WNT9B: variants seen among roughly 807,000 people sequenced by gnomAD.
WNT9B encodes the protein Wnt family member 9B.
A neutral mutation model predicts 30.2 loss-of-function variants in WNT9B; 12 were observed. The ratio of observed to expected loss-of-function variants is 0.40; its 90% confidence interval spans 0.26 to 0.64. WNT9B has a LOEUF of 0.64. Ranked by LOEUF, WNT9B falls within the 30% of genes least tolerant of loss-of-function variation. WNT9B has a pLI of 0.42. For missense variants in WNT9B, 442 were observed against 485.2 expected (o/e 0.91, Z 0.84); for synonymous variants, 218 against 216.9 (o/e 1.01, Z -0.05).
chr17:46,876,648 T>C lies in WNT9B; in HGVS notation c.1004T>C (p.Val335Ala). The C allele has an allele frequency of 1.2e-6, 2 of 1,607,504 alleles. No individual in the cohort carries two copies. The highest frequency in any genetic ancestry group is 1.7e-6 in the Non-Finnish European group (2 of 1,175,358). The part of the protein sequence containing the change: ...RLVAFSCHCQ[V>A]QWCCYVECQQ... The stretch of plus-strand genomic sequence containing the variant: ...GTGGCCTTCTCCTGCCACTGCCAGG[T>C]GCAGTGGTGCTGCTACGTGGAGTGC... Residue 335 changes from valine (V) to alanine (A), a missense_variant, in exon 4 of 4, where the codon GTG (valine) becomes GCG (alanine). Transcript: ENST00000290015.
intron 1 of WNT9B, among the ~76,000 whole-genome samples, chr17:46,834,155 A>G (rs1231010210): frequency 6.6e-6 from 1 of 152,168 alleles, no homozygotes; most frequent in Non-Finnish European, 1.5e-5. Context: ...GGATGGCACC[A>G]CTACACTCCA....
At chr17:46,875,450 A>G in intron 3 of WNT9B, 84 bp downstream of exon 3, 1 of 1,452,582 alleles carries the variant, frequency 6.9e-7, no homozygotes, top group Non-Finnish European at 9.1e-7. Context: ...CCAGCACCCC[A>G]CTCCCCAAAA....
intron 1 of WNT9B, among the ~76,000 whole-genome samples, chr17:46,842,706 A>T (rs1250694478): frequency 6.6e-6 from 1 of 152,186 alleles, no homozygotes; most frequent in African/African-American, 2.4e-5. Context: ...TTGTGCAAAG[A>T]TAGAAATAAT....
At chr17:46,872,805 T>TGGGGGCGGGGGCGGGCG in intron 2 of WNT9B, 32 bp downstream of exon 2, 2 of 1,089,666 alleles carry the variant, frequency 1.8e-6, no homozygotes, top group Non-Finnish European at 2.6e-6. Context: ...CGGGGAGGGC[T>TGGGGGCGGGGGCGGGCG]GGGGGAAGAA....
At chr17:46,834,608 T>C (rs2084602696) in intron 1 of WNT9B, among the ~76,000 whole-genome samples, 1 of 152,122 alleles carries the variant, frequency 6.6e-6, no homozygotes, top group African/African-American at 2.4e-5. Context: ...AGGTAGGGGC[T>C]CAGCCCTGTC....
downstream of WNT9B, among the ~76,000 whole-genome samples, chr17:46,881,433 C>A (rs1236153486): frequency 6.6e-6 from 1 of 152,228 alleles, no homozygotes; most frequent in Non-Finnish European, 1.5e-5. Context: ...TTGAACCTCA[C>A]AAGGTGGACA....
upstream of WNT9B, among the ~76,000 whole-genome samples, chr17:46,848,999 G>A (rs1007203653): frequency 6.6e-6 from 1 of 152,092 alleles, no homozygotes; most frequent in Non-Finnish European, 1.5e-5. Context: ...TTAGCAAGAA[G>A]GAGCTATTAT....
At position 46,851,622 on chromosome 17, in the gene WNT9B, G is replaced by T. The variant is rs897009651; in HGVS notation, c.-17G>T. On this transcript the variant is annotated 5_prime_UTR_variant, in exon 1 of 4. Coordinates refer to ENST00000290015, the MANE Select transcript of WNT9B (RefSeq NM_003396.3). The surrounding 1 kb of genome is among the most constrained non-coding windows in gnomAD (Gnocchi z 4.3). ...GCGGCGCGAGGAGATGCTAGAGGGC[G>T]CAGCGCCGCCAGCACCATGCGCCCC... is the stretch of plus-strand genomic sequence containing the variant. 6.2e-5 allele frequency: 78 copies of T among 1,249,238 alleles called. No homozygotes were observed. The highest frequency in any genetic ancestry group is 1.7e-4 in the Admixed American group (4 of 23,748). The allele number at this position is 1,249,238 out of a possible 1,614,324, so 77.4% of individuals were successfully genotyped here.
Position 46,877,761 on chromosome 17 carries a change from G to A in WNT9B, c.*1043G>A, listed in dbSNP as rs1023397730. ...CAATACTGAAGAACAGCTGGCTCAC[G>A]AGCTATGACTTGAAGTTACATTTCT... On this transcript the variant is annotated 3_prime_UTR_variant, in exon 4 of 4. Coordinates refer to ENST00000290015, the MANE Select transcript of WNT9B (RefSeq NM_003396.3). 4.6e-5 allele frequency among the ~76,000 whole-genome samples: 7 copies of A among 152,170 alleles called. No individual in the cohort carries two copies. The highest frequency in any genetic ancestry group is 8.8e-5 in the Non-Finnish European group (6 of 68,044).
At chr17:46,842,335 G>A (rs1194151516) in intron 1 of WNT9B, among the ~76,000 whole-genome samples, 1 of 152,154 alleles carries the variant, frequency 6.6e-6, no homozygotes, top group African/African-American at 2.4e-5. Flanking sequence ...AGGGGCTGCT[G>A]CTCTACAACC....
rs535771134 is a variant in WNT9B, at chr17:46,872,655, C to A, written c.216C>A (p.Pro72=). ...AGAAGCAGCTCTGCCGGAGGGAGCC[C>A]GGCCTGGCTGAGACCCTGAGGGATG... ...RRQKQLCRRE[P]GLAETLRDAA... Residue 72 remains proline, a synonymous_variant, in exon 2 of 4, where the codon CCC becomes CCA. Coordinates refer to ENST00000290015, the MANE Select transcript of WNT9B (RefSeq NM_003396.3). The A allele has an allele frequency of 6.2e-7, 1 of 1,613,662 alleles. No individual in the cohort carries two copies. The highest frequency in any genetic ancestry group is 8.5e-7 in the Non-Finnish European group (1 of 1,180,004).
At chr17:46,859,454 G>A (rs553000119) in intron 1 of WNT9B, among the ~76,000 whole-genome samples, 3 of 152,284 alleles carry the variant, frequency 2.0e-5, no homozygotes, top group South Asian at 2.1e-4. Flanking sequence ...GATTCAATAT[G>A]TGTGGGCCTA....
chr17:46,873,192 C>A (rs534332124), intron 2 of WNT9B, among the ~76,000 whole-genome samples: 1 of 151,988 alleles, frequency 6.6e-6, no homozygotes, highest in Non-Finnish European at 1.5e-5. Flanking sequence ...CCCGATGACA[C>A]GAGCCAGGCG....
intron 1 of WNT9B, among the ~76,000 whole-genome samples, chr17:46,839,940 CT>C (rs1011892086): frequency 4.7e-5 from 7 of 148,120 alleles, no homozygotes; most frequent in African/African-American, 1.5e-4. Context: ...TTCTTTCTTT[CT>C]TTCTTTCTTT....
chr17:46,846,987 C>T (rs1356021779), upstream of WNT9B, among the ~76,000 whole-genome samples: 31 of 152,196 alleles, frequency 2.0e-4, no homozygotes, highest in Admixed American at 6.5e-5. Context: ...CCTGCAAATG[C>T]TTAAAGTTCC....
At chr17:46,860,186 C>G (rs1161624384) in intron 1 of WNT9B, among the ~76,000 whole-genome samples, 1 of 152,084 alleles carries the variant, frequency 6.6e-6, no homozygotes, top group African/African-American at 2.4e-5. Flanking sequence ...GAGAGTCATC[C>G]TAGCCTCTTC....
chr17:46,843,222 C>T (rs1485732347), intron 1 of WNT9B, among the ~76,000 whole-genome samples: 1 of 152,224 alleles, frequency 6.6e-6, no homozygotes, highest in African/African-American at 2.4e-5. Context: ...AAAGGCTTAA[C>T]TAGTTTAAAA....
Position 46,851,586 on chromosome 17 carries a change from T to TGCGAGCTTGAGCG in WNT9B, c.-49_-37dup. 9.4e-7 allele frequency: 1 copy of TGCGAGCTTGAGCG among 1,059,896 alleles called. No homozygotes were observed. Among genetic ancestry groups the TGCGAGCTTGAGCG allele is most frequent in the East Asian group, 3.5e-5 (1 of 28,514 alleles). 65.7% of individuals were successfully genotyped at this position (1,059,896 alleles called of 1,614,324 possible). A position where few individuals can be genotyped will look rare whatever the true frequency, so the allele number is the denominator to read the frequency against. ...TCCCGCGGGCGGGTGGTGGCGGAGC[T>TGCGAGCTTGAGCG]GCGAGCTTGAGCGGCGCGAGGAGAT... On this transcript the variant is annotated 5_prime_UTR_variant, in exon 1 of 4. Transcript: ENST00000290015. The surrounding 1 kb of genome is among the most constrained non-coding windows in gnomAD (Gnocchi z 4.3).
At position 46,878,028 on chromosome 17, in the gene WNT9B, A is replaced by C. The variant is rs1447917204; in HGVS notation, c.*1310A>C. Among the ~76,000 whole-genome samples the C allele has an allele frequency of 1.3e-5, 2 of 152,328 alleles. No individual in the cohort carries two copies. The highest frequency in any genetic ancestry group is 3.9e-4 in the East Asian group (2 of 5,184). On this transcript the variant is annotated 3_prime_UTR_variant, in exon 4 of 4. Transcript: ENST00000290015. ...GAAAGGAGGAGAGACTGGTACCTCC[A>C]CACAGGCACACATGGATGCACAGCC...
Sources: gnomAD v4.1 joint callset for allele counts (sites outside exome capture counted in the v4.1 genomes callset) on GRCh38, gnomAD v4.1.1 for gene constraint, Gnocchi (gnomAD v3.1) non-coding constraint, MANE v1.5 for transcripts, NCBI Gene and HGNC (gene_info 2026-07-23, HGNC 2026-07-21) for gene names.